CCDC15: variants seen among roughly 807,000 people sequenced by gnomAD.
CCDC15 encodes the protein coiled-coil domain containing 15, also known as coiled-coil domain-containing protein 15.
A neutral mutation model predicts 114.5 loss-of-function variants in CCDC15; 105 were observed. The ratio of observed to expected loss-of-function variants is 0.92; its 90% CI spans 0.78 to 1.08. CCDC15 has a LOEUF of 1.08. Ranked by LOEUF, CCDC15 falls within the 50% of genes least tolerant of loss-of-function variation. The pLI is 0.00. For missense variants in CCDC15, 1,105 were observed against 1,093.6 expected, an observed-to-expected ratio of 1.01 and a Z score of -0.15; for synonymous variants, 334 against 377.8, an observed-to-expected ratio of 0.88 and a Z score of 1.34.
At chr11:125,008,634 T>C (rs2135522511) in intron 13 of CCDC15, among the ~76,000 whole-genome samples, 1 of 152,346 alleles carries the variant, frequency 6.6e-6, no homozygotes, top group Admixed American at 6.5e-5. Flanking sequence ...TGATGTTAGC[T>C]GTACATTTTT....
At chr11:124,955,293 C>T (rs1947529806) in intron 2 of CCDC15, among the ~76,000 whole-genome samples, 1 of 152,098 alleles carries the variant, frequency 6.6e-6, no homozygotes, top group African/African-American at 2.4e-5. Flanking sequence ...CTTCAAGTAA[C>T]ATTAATTGGT....
At chr11:124,977,047 C>A (rs998680216) in intron 5 of CCDC15, among the ~76,000 whole-genome samples, 43 of 152,072 alleles carry the variant, frequency 2.8e-4, no homozygotes, top group Non-Finnish European at 7.4e-5. Flanking sequence ...TGGGAATTTG[C>A]AAATCAGAAA....
chr11:124,984,003 C>T (rs1948116053), intron 6 of CCDC15, among the ~76,000 whole-genome samples: 2 of 152,082 alleles, frequency 1.3e-5, no homozygotes, highest in African/African-American at 4.8e-5. Context: ...TCATGTGCAG[C>T]AGTGGCCGTG....
intron 2 of CCDC15, among the ~76,000 whole-genome samples, chr11:124,956,200 A>C (rs1376508930): frequency 6.6e-6 from 1 of 152,180 alleles, no homozygotes; most frequent in Non-Finnish European, 1.5e-5. Context: ...TTTTCTTTAG[A>C]TGAATTGCTT....
Position 124,986,946 on chromosome 11 carries a change from G to A in CCDC15, c.900+58G>A. On this transcript the variant is annotated intron_variant, in intron 7 of 15. Coordinates refer to ENST00000344762, the MANE Select transcript of CCDC15 (RefSeq NM_025004.3). ...ATTTGGACTAGGTATTGCCAGTAAT[G>A]TTGTACTGATTTAGGATTGTAGATT... The A allele has an allele frequency of 2.7e-6, 4 of 1,463,924 alleles. No homozygotes were observed. In the South Asian group the frequency reaches 5.8e-5, roughly 21 times the overall value. The allele number at this position is 1,463,924 out of a possible 1,614,324, so 90.7% of individuals were successfully genotyped here.
chr11:124,963,246 A>G (rs1947706916), intron 4 of CCDC15, among the ~76,000 whole-genome samples: 1 of 152,180 alleles, frequency 6.6e-6, no homozygotes, highest in Non-Finnish European at 1.5e-5. Flanking sequence ...GAACTAATTT[A>G]CAGTCCCACC....
Position 124,959,086 on chromosome 11 carries a change from A to C in CCDC15, c.178-29A>C, listed in dbSNP as rs781767041. The C allele has an allele frequency of 1.4e-5, 21 of 1,496,044 alleles. 1 individual carries two copies. In the South Asian group the frequency reaches 2.7e-4, roughly 19 times the overall value. 92.7% of individuals were successfully genotyped at this position (1,496,044 alleles called of 1,614,324 possible). A position where few individuals can be genotyped will look rare whatever the true frequency, so the allele number is the denominator to read the frequency against. Reference sequence around the variant, plus strand: ...TAATGGACAAAACTGCTAACATTTAAGTTCATTTTCTGTCTTTCATCTTTA... The same window carrying C: ...TAATGGACAAAACTGCTAACATTTACGTTCATTTTCTGTCTTTCATCTTTA... On this transcript the variant is annotated intron_variant, in intron 2 of 15. Transcript: ENST00000344762.
rs899826127 is a variant in CCDC15, at chr11:124,954,712, T to G, written c.-9-12T>G. On this transcript the variant is annotated splice_polypyrimidine_tract_variant and intron_variant, in intron 1 of 15. Transcript: ENST00000344762. ...ATTTGAAGATTTTAAGCTTTTTCTTTCTCCTAATCAGGAGTCACAGATGCT... is the reference window on the plus strand; with the variant it reads ...ATTTGAAGATTTTAAGCTTTTTCTTGCTCCTAATCAGGAGTCACAGATGCT... 20 of 1,611,560 alleles carry G rather than the reference T, an allele frequency of 1.2e-5. No homozygotes were observed. The South Asian group carries it at 2.1e-4, about 17-fold the overall frequency.
intron 13 of CCDC15, among the ~76,000 whole-genome samples, chr11:125,020,876 A>T (rs1020781668): frequency 1.3e-5 from 2 of 151,878 alleles, no homozygotes; most frequent in Non-Finnish European, 2.9e-5. Flanking sequence ...TTAAACTACT[A>T]TATGGCAGCT....
chr11:124,996,389 A>G (rs866779628), intron 11 of CCDC15, among the ~76,000 whole-genome samples: 1 of 152,164 alleles, frequency 6.6e-6, no homozygotes, highest in Non-Finnish European at 1.5e-5. Flanking sequence ...ACTTATTCCT[A>G]CTATCTCAGA....
At chr11:124,999,627 T>A (rs947004386) in intron 11 of CCDC15, among the ~76,000 whole-genome samples, 4 of 152,084 alleles carry the variant, frequency 2.6e-5, no homozygotes, top group Non-Finnish European at 4.4e-5. Context: ...TGCATTTTTT[T>A]AATAGTTTTT....
At chr11:124,983,477 C>A (rs187390844) in intron 6 of CCDC15, among the ~76,000 whole-genome samples, 1 of 151,570 alleles carries the variant, frequency 6.6e-6, no homozygotes, top group Admixed American at 6.6e-5. Flanking sequence ...TCTTTGATGT[C>A]CTTGGGGGTT....
intron 13 of CCDC15, among the ~76,000 whole-genome samples, chr11:125,018,381 C>T (rs1948641534): frequency 6.6e-6 from 1 of 151,930 alleles, no homozygotes; most frequent in African/African-American, 2.4e-5. Flanking sequence ...GCTATACCAT[C>T]TAGGTTTGTG....
intron 15 of CCDC15, among the ~76,000 whole-genome samples, chr11:125,040,075 T>G (rs888534801): frequency 5.9e-5 from 9 of 151,398 alleles, no homozygotes; most frequent in Non-Finnish European, 1.2e-4. Context: ...CGAGACAGCC[T>G]CACTCTGTCG....
chr11:124,987,853 G>T lies in CCDC15; in HGVS notation c.1627G>T (p.Asp543Tyr), dbSNP rs551396707. ...TAAAGACCAGGACTTTTTATCTAGA[G>T]ACCAGCATGTTCTCCCCAAAGACTG... ...LPKDQDFLSR[D>Y]QHVLPKDWNI... is the part of the protein sequence containing the mutation. The change falls in exon 8 of 16, where the codon GAC (aspartate) becomes TAC (tyrosine). Residue 543 changes from aspartate to tyrosine, a missense_variant. Asp to Tyr is a radical substitution (Grantham distance 160). Transcript: ENST00000344762. 1.2e-5 allele frequency: 20 copies of T among 1,613,996 alleles called. No homozygotes were observed. In the South Asian group the frequency reaches 2.0e-4, roughly 16 times the overall value.
intron 13 of CCDC15, among the ~76,000 whole-genome samples, chr11:125,019,595 G>A (rs1948649269): frequency 2.0e-5 from 3 of 151,992 alleles, no homozygotes. Context: ...AGGCAAAGAG[G>A]AGGAGGTAGT....
intron 4 of CCDC15, among the ~76,000 whole-genome samples, chr11:124,964,861 AT>A (rs1171094010): frequency 3.3e-5 from 5 of 152,118 alleles, no homozygotes; most frequent in Admixed American, 2.6e-4. Context: ...GGGCTGTTGA[AT>A]TTTGTCAAAG....
chr11:124,955,169 T>G (rs1947527523), intron 2 of CCDC15, among the ~76,000 whole-genome samples: 1 of 152,228 alleles, frequency 6.6e-6, no homozygotes. Context: ...GTTATATAGA[T>G]ATATATCTGT....
chr11:124,965,433 G>A (rs1176862672), intron 4 of CCDC15, among the ~76,000 whole-genome samples: 2 of 152,166 alleles, frequency 1.3e-5, no homozygotes, highest in Non-Finnish European at 2.9e-5. Flanking sequence ...TTACGTAGAG[G>A]TGTTTGTAGT....
Sources: gnomAD v4.1 joint callset for allele counts (sites outside exome capture counted in the v4.1 genomes callset) on GRCh38, gnomAD v4.1.1 for gene constraint, MANE v1.5 for transcripts, NCBI Gene and HGNC (gene_info 2026-07-23, HGNC 2026-07-21) for gene names.